Variants in DSP observed in about 807,000 individuals in gnomAD.
The protein encoded by DSP is 250/210 kDa paraneoplastic pemphigus antigen.
DSP carries 114 observed loss-of-function variants against 290.6 expected under a neutral mutation model. That is an observed-to-expected ratio of 0.39 (90% CI 0.34 to 0.46). DSP has a LOEUF of 0.46. DSP is among the 20% of genes least tolerant of loss of function. The probability of loss-of-function intolerance (pLI) is 0.99; values close to 1 mark genes in which losing one functional copy is unlikely to be tolerated. For missense variants in DSP, 3,230 were observed against 3,495.8 expected (o/e 0.92, Z 1.92); for synonymous variants, 1,311 against 1,316.4 (o/e 1.00, Z 0.09).
At position 7,571,868 on chromosome 6, in the gene DSP, G is replaced by A; in HGVS notation, c.1930G>A (p.Gly644Arg). ...TVTTTEITHH[G>R]TCQDVNHNKV... ...GACCACAACTGAAATCACTCATCAT[G>A]GAACCTGCCAAGATGTCAACCATAA... is the stretch of plus-strand genomic sequence containing the variant. Residue 644 changes from glycine (G) to arginine (R), a missense_variant, in exon 15 of 24, where the codon GGA (glycine) becomes AGA (arginine). Transcript: ENST00000379802. 6.2e-7 allele frequency: 1 copy of A among 1,613,358 alleles called. No individual in the cohort carries two copies. Among genetic ancestry groups the A allele is most frequent in the Non-Finnish European group, 8.5e-7 (1 of 1,179,994 alleles).
intron 4 of DSP, among the ~76,000 whole-genome samples, chr6:7,561,166 C>T (rs528573272): frequency 1.3e-5 from 2 of 152,244 alleles, no homozygotes; most frequent in African/African-American, 4.8e-5. Context: ...ATTGGTCAGG[C>T]TGATCTCGAA....
rs376081052 is a variant in DSP, at chr6:7,584,486, A to C, written c.7224A>C (p.Pro2408=). ...AACTCAGTGAGATTCTCTCAGATCC[A>C]AGTGATGATACCAAAGGATTTTTTG... ...NEELSEILSD[P]SDDTKGFFDP... is the part of the protein sequence containing the mutation. Residue 2408 remains proline, a synonymous_variant, in exon 24 of 24, where the codon CCA becomes CCC. Transcript: ENST00000379802. This position sits in a 1 kb window ranked among gnomAD's most constrained non-coding sequence, Gnocchi z 6.4. 1.9e-6 allele frequency: 3 copies of C among 1,614,202 alleles called. No homozygotes were observed. The highest frequency in any genetic ancestry group is 2.5e-6 in the Non-Finnish European group (3 of 1,180,038).
intron 15 of DSP, 99 bp from the exon 16 acceptor site, chr6:7,573,987 G>A (rs1561692156): frequency 1.6e-6 from 2 of 1,232,956 alleles, no homozygotes; most frequent in Non-Finnish European, 2.4e-6. Context: ...TCATTTCACT[G>A]TGTCTATGTG....
chr6:7,585,635 C>G lies in DSP; in HGVS notation c.8373C>G (p.Arg2791=). 2 of 1,614,234 alleles carry G rather than the reference C, an allele frequency of 1.2e-6. No homozygotes were observed. The highest frequency in any genetic ancestry group is 1.3e-5 in the African/African-American group (1 of 75,064). ...LKISYKDAIN[R]SMVEDITGLR... is the part of the protein sequence containing the mutation. ...TATCCTATAAGGATGCCATAAATCG[C>G]TCCATGGTAGAAGATATCACTGGGC... Residue 2791 remains arginine (R), a synonymous_variant, in exon 24 of 24, where the codon CGC becomes CGG. Coordinates refer to ENST00000379802, the MANE Select transcript of DSP (RefSeq NM_004415.4).
chr6:7,585,819 A>T lies in DSP; in HGVS notation c.8557A>T (p.Thr2853Ser). The T allele has an allele frequency of 6.2e-7, 1 of 1,612,400 alleles. No homozygotes were observed. The highest frequency in any genetic ancestry group is 8.5e-7 in the Non-Finnish European group (1 of 1,179,586). Residue 2853 changes from threonine (T) to serine (S), a missense_variant, in exon 24 of 24, where the codon ACA becomes TCA. This residue lies in a region of DSP where 582 missense variants were observed against 555.4 expected (regional missense o/e 1.05). Coordinates refer to ENST00000379802, the MANE Select transcript of DSP (RefSeq NM_004415.4). ...GTCCCGGAGAGGAAGCTTTGACGCC[A>T]CAGGGAATTCTTCCTACTCTTATTC... ...SGSRRGSFDA[T>S]GNSSYSYSYS...
chr6:7,582,975 G>T lies in DSP; in HGVS notation c.5713G>T (p.Glu1905Ter). 6.2e-7 allele frequency: 1 copy of T among 1,614,090 alleles called. No homozygotes were observed. The highest frequency in any genetic ancestry group is 8.5e-7 in the Non-Finnish European group (1 of 1,180,030). Reference protein sequence around the residue: ...LRSEIERLQAEIKRIEERCRR... With the variant: ...LRSEIERLQA ...GAGTGAGATCGAAAGACTCCAAGCA[G>T]AGATCAAGAGAATTGAAGAGAGGTG... Residue 1905 changes from glutamate to a stop codon, truncating the protein, a stop_gained, in exon 24 of 24, where the codon GAG (glutamate) becomes TAG (stop). Transcript: ENST00000379802. LOFTEE classifies it high-confidence loss of function. The surrounding 1 kb of genome is among the most constrained non-coding windows in gnomAD (Gnocchi z 4.2).
At position 7,585,400 on chromosome 6, in the gene DSP, T is replaced by G. The variant is rs1759621076; in HGVS notation, c.8138T>G (p.Val2713Gly). The change falls in exon 24 of 24, where the codon GTG becomes GGG. Residue 2713 changes from valine to glycine, a missense_variant. Val to Gly is a moderately radical substitution (Grantham distance 109). Transcript: ENST00000379802. Reference protein sequence around the residue: ...GKKKMSAAEAVKEKWLPYEAG... With the variant: ...GKKKMSAAEAGKEKWLPYEAG... ...AAGAAGATGTCAGCAGCAGAGGCAG[T>G]GAAAGAAAAATGGCTCCCGTATGAG... is the stretch of plus-strand genomic sequence containing the variant. 6.2e-7 allele frequency: 1 copy of G among 1,613,962 alleles called. No individual in the cohort carries two copies. The highest frequency in any genetic ancestry group is 8.5e-7 in the Non-Finnish European group (1 of 1,179,966).
chr6:7,566,573 AG>A lies in DSP; in HGVS notation c.1044+93del, dbSNP rs1005376297. On this transcript the variant is annotated intron_variant, in intron 8 of 23. Transcript: ENST00000379802. ...AATGAGTAATTCTTATATGACTTAA[AG>A]CCGTGCCAACTTTATTTTCTATTTT... 3.8e-6 allele frequency: 4 copies of A among 1,042,176 alleles called. No homozygotes were observed. The African/African-American group carries it at 6.5e-5, about 17-fold the overall frequency. 64.6% of individuals were successfully genotyped at this position (1,042,176 alleles called of 1,614,324 possible).
intron 20 of DSP, 127 bp downstream of exon 20, chr6:7,577,169 C>G (rs1759266816): frequency 1.4e-6 from 1 of 696,306 alleles, no homozygotes; most frequent in Non-Finnish European, 2.3e-6. Context: ...ATATTCTTTT[C>G]TGAACAAACC....
chr6:7,576,803 T>C (rs1055982616), intron 19 of DSP, among the ~76,000 whole-genome samples, 156 bp from the exon 20 acceptor site: 1 of 152,204 alleles, frequency 6.6e-6, no homozygotes, highest in African/African-American at 2.4e-5. Context: ...GAAAAAATGC[T>C]CATCTCCTAA....
chr6:7,573,349 C>T (rs867611721), intron 15 of DSP, among the ~76,000 whole-genome samples: 1 of 152,026 alleles, frequency 6.6e-6, no homozygotes, highest in Non-Finnish European at 1.5e-5. Context: ...GAGGCCGAGG[C>T]GGGTGGATCA....
chr6:7,578,621 A>T (rs763464599), intron 22 of DSP, 59 bp downstream of exon 22: 3 of 1,294,908 alleles, frequency 2.3e-6, no homozygotes, highest in Admixed American at 1.7e-5. Flanking sequence ...GAACCTTATT[A>T]TTACTTCCAC....
rs1044154169 is a variant in DSP at position 7,573,533 on chromosome 6, A to G, written c.2131-553A>G. Among the ~76,000 whole-genome samples, 104 of 151,668 alleles carry G rather than the reference A, an allele frequency of 6.9e-4. 1 individual carries two copies. Among genetic ancestry groups the G allele is most frequent in the Non-Finnish European group, 1.1e-3 (77 of 67,914 alleles). On this transcript the variant is annotated intron_variant, in intron 15 of 23. Coordinates refer to ENST00000379802, the MANE Select transcript of DSP (RefSeq NM_004415.4). ...ATGGAGGTTGCAGTGAGCTGAGATC[A>G]CGCCATTGCACTCCAGCCTGGGCGA...
In DSP at chr6:7,545,227, T is replaced by C. The variant is rs1758139299; in HGVS notation, c.170+3142T>C. 2.0e-5 allele frequency among the ~76,000 whole-genome samples: 3 copies of C among 152,362 alleles called. No homozygotes were observed. In the South Asian group the frequency reaches 6.2e-4, roughly 32 times the overall value. ...CGTGTGATCATTATTTCATATACAT[T>C]TTAAAGTTAGTCTTAAATTAGGTTT... On this transcript the variant is annotated intron_variant, in intron 1 of 23. Transcript: ENST00000379802.
At chr6:7,560,183 T>C (rs1434336317) in intron 4 of DSP, among the ~76,000 whole-genome samples, 1 of 152,248 alleles carries the variant, frequency 6.6e-6, no homozygotes, top group Non-Finnish European at 1.5e-5. Context: ...GTTAGAGTGA[T>C]AAGTTGTGGA....
chr6:7,546,188 G>GT (rs1758165704), intron 1 of DSP, among the ~76,000 whole-genome samples: 2 of 152,184 alleles, frequency 1.3e-5, no homozygotes, highest in African/African-American at 4.8e-5. Flanking sequence ...GGAAAAGTAG[G>GT]TATTGCCAAG....
At chr6:7,572,462 G>C (rs570610698) in intron 15 of DSP, among the ~76,000 whole-genome samples, 1 of 152,210 alleles carries the variant, frequency 6.6e-6, no homozygotes, top group Non-Finnish European at 1.5e-5. Context: ...TATGGCCCAG[G>C]TGTGTCAGCT....
rs754896726 is a variant in DSP, at chr6:7,574,675, A to T, written c.2316A>T (p.Ala772=). ...GYLNSLCTVR[A]LLQAILQTED... ...TTTCCAGCTTATGCACAGTAAGGGCACTGCTCCAGGCTATTCTCCAAACAG... is the reference window on the plus strand; with the variant it reads ...TTTCCAGCTTATGCACAGTAAGGGCTCTGCTCCAGGCTATTCTCCAAACAG... The change falls in exon 17 of 24, where the codon GCA becomes GCT. Residue 772 remains alanine, a synonymous_variant. Transcript: ENST00000379802. 2.6e-5 allele frequency: 42 copies of T among 1,614,004 alleles called. No homozygotes were observed. In the East Asian group the frequency reaches 9.4e-4, roughly 36 times the overall value.
chr6:7,544,989 C>G (rs1282845463), intron 1 of DSP, among the ~76,000 whole-genome samples: 2 of 152,154 alleles, frequency 1.3e-5, no homozygotes, highest in Non-Finnish European at 2.9e-5. Context: ...AGCAGAATTA[C>G]TCTAGTCTTA....
Sources: allele counts gnomAD v4.1 joint callset (sites outside exome capture counted in the v4.1 genomes callset), GRCh38; gene constraint gnomAD v4.1.1; regional missense constraint gnomAD v4.1.1; non-coding constraint Gnocchi (gnomAD v3.1); transcripts MANE v1.5; gene names NCBI Gene and HGNC (gene_info 2026-07-23, HGNC 2026-07-21).